KIF25: variants seen among roughly 807,000 people sequenced by gnomAD.
KIF25 encodes kinesin-like protein KIF25.
A neutral mutation model predicts 32.9 loss-of-function variants in KIF25; 19 were observed. The observed-to-expected ratio is 0.58, with a 90% CI of 0.40 to 0.85. The LOEUF (loss-of-function observed/expected upper bound fraction) is 0.85, where lower values mean the gene tolerates loss of function less well. KIF25 is among the 40% of genes least tolerant of loss of function. The pLI is 0.00. For missense variants in KIF25, 485 were observed against 507.0 expected, an observed-to-expected ratio of 0.96 and a Z score of 0.42; for synonymous variants, 225 against 213.7, an observed-to-expected ratio of 1.05 and a Z score of -0.46.
intron 12 of KIF25, among the ~76,000 whole-genome samples, chr6:168,044,394 C>T (rs368294164): frequency 5.8e-5 from 6 of 103,240 alleles, no homozygotes; most frequent in Non-Finnish European, 8.0e-5. Context: ...CGCTAGTGAC[C>T]GGCTGCTGAC....
At chr6:168,022,768 GTTT>G (rs61060025) in intron 5 of KIF25, among the ~76,000 whole-genome samples, 5 of 121,644 alleles carry the variant, frequency 4.1e-5, no homozygotes, top group African/African-American at 1.2e-4. Context: ...TGTTGTTGTT[GTTT>G]TTTTTTTTTT....
rs1400812577 is a variant in KIF25 at position 168,001,017 on chromosome 6, C to CT, written c.-369-1522dup. Among the ~76,000 whole-genome samples the CT allele has an allele frequency of 3.3e-5, 5 of 152,218 alleles. No homozygotes were observed. In the East Asian group the frequency reaches 9.6e-4, roughly 29 times the overall value. ...CTTTTGATAGTCATTGAAACTTTTTCTTTTCAAAGTGTTTAGACATGATTG... is the reference window on the plus strand; with the variant it reads ...CTTTTGATAGTCATTGAAACTTTTTCTTTTTCAAAGTGTTTAGACATGATTG... On this transcript the variant is annotated intron_variant, in intron 2 of 12. Transcript: ENST00000643607.
chr6:168,040,637 G>T (rs1490217956), intron 10 of KIF25, among the ~76,000 whole-genome samples: 1 of 152,020 alleles, frequency 6.6e-6, no homozygotes, highest in Non-Finnish European at 1.5e-5. Flanking sequence ...ATGGGACCCA[G>T]CATGGGAACA....
chr6:168,004,955 G>A (rs1051332389), intron 4 of KIF25, among the ~76,000 whole-genome samples: 1 of 152,198 alleles, frequency 6.6e-6, no homozygotes, highest in African/African-American at 2.4e-5. Flanking sequence ...CATCTGCCAA[G>A]CCAGAATGCG....
At position 168,002,843 on chromosome 6, in the gene KIF25, A is replaced by G. The variant is rs567122208; in HGVS notation, c.-253+184A>G. On this transcript the variant is annotated intron_variant, in intron 3 of 12. Transcript: ENST00000643607. ...TATTTTCCTGTAACTAGAGGGTCCT[A>G]TCTAGCAGTGATGGAGACAGTGACA... Among the ~76,000 whole-genome samples, 22 of 152,356 alleles carry G rather than the reference A, an allele frequency of 1.4e-4. No homozygotes were observed. In the South Asian group the frequency reaches 4.6e-3, roughly 32 times the overall value.
At chr6:168,020,682 C>A (rs569649329) in intron 5 of KIF25, among the ~76,000 whole-genome samples, 2 of 151,854 alleles carry the variant, frequency 1.3e-5, no homozygotes, top group East Asian at 1.9e-4. Context: ...ATATGGTAAA[C>A]CCTAAAACAA....
chr6:168,015,397 T>G (rs1798699981), intron 4 of KIF25, among the ~76,000 whole-genome samples: 1 of 152,190 alleles, frequency 6.6e-6, no homozygotes, highest in Non-Finnish European at 1.5e-5. Context: ...CCTAGGAAAT[T>G]GGATATAAAT....
chr6:168,010,409 C>T (rs908907825), intron 4 of KIF25, among the ~76,000 whole-genome samples: 20 of 152,014 alleles, frequency 1.3e-4, no homozygotes, highest in East Asian at 7.7e-4. Flanking sequence ...GCATGTTGCT[C>T]GATTTCCATG....
chr6:168,005,793 G>C (rs983590497), intron 4 of KIF25, among the ~76,000 whole-genome samples: 2 of 152,164 alleles, frequency 1.3e-5, no homozygotes, highest in South Asian at 2.1e-4. Context: ...CTGATTAGAC[G>C]GTGCCCACCC....
chr6:168,019,909 T>TGGC lies in KIF25; in HGVS notation c.-95+1870_-95+1872dup, dbSNP rs559281211. On this transcript the variant is annotated intron_variant, in intron 5 of 12. Transcript: ENST00000643607. Reference sequence around the variant, plus strand: ...CAGCACTTTGGGAGGCCAAGGCGGGTGGCTCACGAGGTCAAGAGATCGAGA... The same window carrying TGGC: ...CAGCACTTTGGGAGGCCAAGGCGGGTGGCGGCTCACGAGGTCAAGAGATCGAGA... 3.0e-3 allele frequency among the ~76,000 whole-genome samples: 453 copies of TGGC among 152,132 alleles called. 1 individual carries two copies. Among genetic ancestry groups the TGGC allele is most frequent in the South Asian group, 5.6e-3 (27 of 4,818 alleles).
intron 7 of KIF25, among the ~76,000 whole-genome samples, chr6:168,033,606 T>C (rs1177880662): frequency 6.6e-6 from 1 of 151,738 alleles, no homozygotes; most frequent in Non-Finnish European, 1.5e-5. Context: ...GATGGGGAGA[T>C]GAAAACACCC....
intron 6 of KIF25, 152 bp downstream of exon 6, chr6:168,029,829 C>A: frequency 1.0e-6 from 1 of 953,204 alleles, no homozygotes; most frequent in Non-Finnish European, 1.5e-6. Context: ...CATCTTCCCA[C>A]ACAGTGCTCA....
chr6:168,042,793 C>A, intron 12 of KIF25, 77 bp downstream of exon 12: 1 of 1,495,732 alleles, frequency 6.7e-7, no homozygotes, highest in South Asian at 1.3e-5. Context: ...CTGGCCTGCA[C>A]GTCCTCGAGG....
intron 2 of KIF25, among the ~76,000 whole-genome samples, chr6:168,002,105 A>T (rs868602843): frequency 0.2 from 6,667 of 32,686 alleles, 268 homozygotes; most frequent in Non-Finnish European, 0.23. Context: ...GCAGGTGAGA[A>T]AGACACCTGA....
chr6:168,023,336 CAGCTCACTGCA>C (rs1381298053), intron 5 of KIF25, among the ~76,000 whole-genome samples: 5 of 147,782 alleles, frequency 3.4e-5, no homozygotes, highest in Non-Finnish European at 7.4e-5. Context: ...GGCACAATCT[CAGCTCACTGCA>C]AGCTCCACCT....
At chr6:168,004,143 G>A (rs1440937114) in intron 4 of KIF25, among the ~76,000 whole-genome samples, 2 of 152,140 alleles carry the variant, frequency 1.3e-5, no homozygotes, top group Non-Finnish European at 2.9e-5. Context: ...AACACCCCAG[G>A]GGTGTCTGAG....
At chr6:168,001,452 G>A (rs1275990991) in intron 2 of KIF25, among the ~76,000 whole-genome samples, 3 of 152,212 alleles carry the variant, frequency 2.0e-5, no homozygotes, top group African/African-American at 4.8e-5. Context: ...GCCTCCCTGC[G>A]AGCCTCCCAC....
rs1481857375 is a variant in KIF25 at position 168,042,631 on chromosome 6, A to G, written c.900A>G (p.Ala300=). The part of the protein sequence containing the change: ...ACISRSLAAL[A]GVLGALLEHR... ...TCAGCCGCAGCCTTGCGGCCCTGGCAGGCGTCCTGGGGGCTTTGTTGGAGC... is the reference window on the plus strand; with the variant it reads ...TCAGCCGCAGCCTTGCGGCCCTGGCGGGCGTCCTGGGGGCTTTGTTGGAGC... Residue 300 remains alanine, a synonymous_variant, in exon 12 of 13, where the codon GCA becomes GCG. Transcript: ENST00000643607. 1 of 1,613,916 alleles carries G rather than the reference A, an allele frequency of 6.2e-7. No homozygotes were observed. Among genetic ancestry groups the G allele is most frequent in the South Asian group, 1.1e-5 (1 of 91,074 alleles).
chr6:168,002,985 G>A (rs1268421027), intron 3 of KIF25, among the ~76,000 whole-genome samples: 2 of 152,206 alleles, frequency 1.3e-5, no homozygotes, highest in African/African-American at 4.8e-5. Context: ...TCTGACAGGA[G>A]GTGGAGCTCA....
Sources: gnomAD v4.1 joint callset for allele counts (sites outside exome capture counted in the v4.1 genomes callset) on GRCh38, gnomAD v4.1.1 for gene constraint, MANE v1.5 for transcripts, NCBI Gene and HGNC (gene_info 2026-07-23, HGNC 2026-07-21) for gene names.